AQP8: variants seen among roughly 807,000 people sequenced by gnomAD.
AQP8 encodes the protein aquaporin 8, also known as aquaporin-8.
In AQP8, 14 loss-of-function variants were observed where a neutral mutation model predicts 26.1. The ratio of observed to expected loss-of-function variants is 0.54; its 90% CI spans 0.35 to 0.84. AQP8 has a LOEUF of 0.84. AQP8 is among the 40% of genes least tolerant of loss of function. AQP8 has a pLI of 0.01. For synonymous variants in AQP8, 131 were observed against 150.7 expected, an observed-to-expected ratio of 0.87 and a Z score of 0.96; for missense variants, 301 against 340.5, an observed-to-expected ratio of 0.88 and a Z score of 0.91.
In AQP8 at chr16:25,217,226, A is replaced by T; in HGVS notation, c.41A>T (p.Asn14Ile). Residue 14 changes from asparagine (N) to isoleucine (I), a missense_variant, in exon 2 of 6, where the codon AAT becomes ATT. Transcript: ENST00000219660. ...GCCATGTGTGAGCCTGAATTTGGCA[A>T]TGACAAGGCCAGGGAGCCGAGCGTG... Reference protein sequence around the residue: ...EIAMCEPEFGNDKAREPSVGG... With the variant: ...EIAMCEPEFGIDKAREPSVGG... 1 of 1,614,178 alleles carries T rather than the reference A, an allele frequency of 6.2e-7. No individual in the cohort carries two copies. The highest frequency in any genetic ancestry group is 8.5e-7 in the Non-Finnish European group (1 of 1,180,028).
At chr16:25,223,556 A>G (rs1029086823) in intron 3 of AQP8, among the ~76,000 whole-genome samples, 4 of 144,168 alleles carry the variant, frequency 2.8e-5, no homozygotes, top group Non-Finnish European at 4.6e-5. Flanking sequence ...TTTAAAAAAA[A>G]CATTAGGTGG....
chr16:25,222,668 GGT>G lies in AQP8; in HGVS notation c.387+1095_387+1096del, dbSNP rs78651843. Among the ~76,000 whole-genome samples, 1,205 of 151,910 alleles carry G rather than the reference GGT, an allele frequency of 7.9e-3. 29 individuals carry two copies. Among genetic ancestry groups the G allele is most frequent in the East Asian group, 0.066 (341 of 5,154 alleles). ...GCCCTTCAAGATGTGGGCCTTGCTT[GGT>G]GTGTGTGTGGGGGGTGGTGGATGGG... On this transcript the variant is annotated intron_variant, in intron 3 of 5. Coordinates refer to ENST00000219660, the MANE Select transcript of AQP8 (RefSeq NM_001169.3).
intron 5 of AQP8, 105 bp downstream of exon 5, chr16:25,227,307 GAA>G: frequency 6.8e-7 from 1 of 1,464,850 alleles, no homozygotes; most frequent in Non-Finnish European, 9.3e-7. Flanking sequence ...GTTTGGAAGA[GAA>G]AAGAGGGAGC....
chr16:25,221,627 G>C, intron 3 of AQP8, 44 bp downstream of exon 3: 1 of 1,610,468 alleles, frequency 6.2e-7, no homozygotes, highest in Non-Finnish European at 8.5e-7. Context: ...TCTCTGATGG[G>C]GCTGCTGGAG....
chr16:25,221,718 G>A, intron 3 of AQP8, 135 bp downstream of exon 3: 1 of 1,090,998 alleles, frequency 9.2e-7, no homozygotes, highest in Non-Finnish European at 1.3e-6. Flanking sequence ...AGTGGAATTG[G>A]TGGACGTTTT....
chr16:25,217,013 G>T lies in AQP8; in HGVS notation c.-33G>T. On this transcript the variant is annotated 5_prime_UTR_variant, in exon 1 of 6. Coordinates refer to ENST00000219660, the MANE Select transcript of AQP8 (RefSeq NM_001169.3). ...AGGTGCAGGTTTCCCAGCAGCTCAGGCAAGAGTCCGATGTTTGTGCCATCT... is the reference window on the plus strand; with the variant it reads ...AGGTGCAGGTTTCCCAGCAGCTCAGTCAAGAGTCCGATGTTTGTGCCATCT... 2 of 1,613,794 alleles carry T rather than the reference G, an allele frequency of 1.2e-6. No individual in the cohort carries two copies. The highest frequency in any genetic ancestry group is 1.1e-5 in the South Asian group (1 of 91,076).
chr16:25,220,907 C>T (rs1402543760), intron 2 of AQP8, among the ~76,000 whole-genome samples: 2 of 152,146 alleles, frequency 1.3e-5, no homozygotes, highest in African/African-American at 4.8e-5. Flanking sequence ...AAAAATAAGC[C>T]AGGCGTGGTG....
intron 4 of AQP8, among the ~76,000 whole-genome samples, chr16:25,226,154 C>A (rs979490906): frequency 2.0e-5 from 3 of 152,214 alleles, no homozygotes; most frequent in Non-Finnish European, 4.4e-5. Context: ...TACAGGCATG[C>A]AATGCATAAT....
intron 1 of AQP8, 55 bp downstream of exon 1, chr16:25,217,112 G>C (rs915266213): frequency 6.2e-7 from 1 of 1,613,598 alleles, no homozygotes; most frequent in Non-Finnish European, 8.5e-7. Context: ...GGGGGGCTGT[G>C]AATTAATTCA....
At chr16:25,220,999 C>T (rs926335516) in intron 2 of AQP8, among the ~76,000 whole-genome samples, 2 of 151,638 alleles carry the variant, frequency 1.3e-5, no homozygotes, top group Admixed American at 6.6e-5. Flanking sequence ...TGCAGTGAGC[C>T]GAGATCACAC....
chr16:25,228,327 T>G lies in AQP8; in HGVS notation c.738-117T>G. 7 of 881,372 alleles carry G rather than the reference T, an allele frequency of 7.9e-6. 1 individual carries two copies. The South Asian group carries it at 9.9e-5, about 12-fold the overall frequency. The allele number at this position is 881,372 out of a possible 1,614,324, so 54.6% of individuals were successfully genotyped here. ...CTCTCTCTGCAAGGGGATCTGGCTA[T>G]TAAGGCTGGGGAGGCTCAGGAAGTC... is the stretch of plus-strand genomic sequence containing the variant. On this transcript the variant is annotated intron_variant, in intron 5 of 5. Transcript: ENST00000219660.
intron 5 of AQP8, among the ~76,000 whole-genome samples, chr16:25,227,708 G>A (rs756110399): frequency 1.3e-5 from 2 of 151,630 alleles, no homozygotes; most frequent in Non-Finnish European, 2.9e-5. Context: ...GGCTGGTCTC[G>A]AACTCCTGAC....
rs146177689 is a variant in AQP8, at chr16:25,221,565, C to G, written c.369C>G (p.Leu123=). The change falls in exon 3 of 6, where the codon CTC becomes CTG. Residue 123 remains leucine (L), a synonymous_variant. Transcript: ENST00000219660. ...TCTCACAGCTGCTCGGGGGGATGCTCGGGGCTGCCTTGGCCAAGGTGGGTA... is the reference window on the plus strand; with the variant it reads ...TCTCACAGCTGCTCGGGGGGATGCTGGGGGCTGCCTTGGCCAAGGTGGGTA... ...YWVSQLLGGM[L]GAALAKAVSP... 6.2e-7 allele frequency: 1 copy of G among 1,613,998 alleles called. No individual in the cohort carries two copies. Among genetic ancestry groups the G allele is most frequent in the Non-Finnish European group, 8.5e-7 (1 of 1,179,980 alleles).
intron 4 of AQP8, among the ~76,000 whole-genome samples, chr16:25,226,237 A>G (rs1962631164): frequency 6.6e-6 from 1 of 151,492 alleles, no homozygotes; most frequent in Non-Finnish European, 1.5e-5. Context: ...ATCCACTTAT[A>G]CTCTTCGTTA....
At chr16:25,226,264 G>T (rs1311489309) in intron 4 of AQP8, among the ~76,000 whole-genome samples, 2 of 151,872 alleles carry the variant, frequency 1.3e-5, no homozygotes, top group Non-Finnish European at 2.9e-5. Flanking sequence ...TTTATTTTTA[G>T]TTTTAGTTTT....
At position 25,217,393 on chromosome 16, in the gene AQP8, C is replaced by G; in HGVS notation, c.208C>G (p.Leu70Val). ...GTDTGLLQPA[L>V]AHGLALGLVI... ...GGACACTGGGCTGCTGCAGCCGGCC[C>G]TGGCCCACGGGCTGGCTTTGGGGCT... is the stretch of plus-strand genomic sequence containing the variant. The change falls in exon 2 of 6, where the codon CTG becomes GTG. Residue 70 changes from leucine (L) to valine (V), a missense_variant. Coordinates refer to ENST00000219660, the MANE Select transcript of AQP8 (RefSeq NM_001169.3). The G allele has an allele frequency of 6.2e-7, 1 of 1,614,156 alleles. No individual in the cohort carries two copies. The highest frequency in any genetic ancestry group is 8.5e-7 in the Non-Finnish European group (1 of 1,180,020).
At position 25,227,405 on chromosome 16, in the gene AQP8, A is replaced by G. The variant is rs796905650; in HGVS notation, c.737+203A>G. On this transcript the variant is annotated intron_variant, in intron 5 of 5. Transcript: ENST00000219660. ...TATTTCAAAATAGCTTATGTCATAA[A>G]GAGGAATTCATTGGCTCACATCATC... 1.3e-4 allele frequency among the ~76,000 whole-genome samples: 20 copies of G among 152,358 alleles called. 1 individual carries two copies. Among genetic ancestry groups the G allele is most frequent in the African/African-American group, 4.8e-4 (20 of 41,588 alleles).
intron 4 of AQP8, among the ~76,000 whole-genome samples, chr16:25,226,385 G>A (rs1347081405): frequency 6.6e-6 from 1 of 152,194 alleles, no homozygotes; most frequent in Non-Finnish European, 1.5e-5. Flanking sequence ...AGCCTCCCCA[G>A]TAGCTGGGAC....
chr16:25,219,924 A>G (rs909792542), intron 2 of AQP8, among the ~76,000 whole-genome samples: 6 of 151,986 alleles, frequency 3.9e-5, no homozygotes, highest in Admixed American at 1.3e-4. Flanking sequence ...TATCCCATCT[A>G]CTTGGGAGGC....
Sources: allele counts gnomAD v4.1 joint callset (sites outside exome capture counted in the v4.1 genomes callset), GRCh38; gene constraint gnomAD v4.1.1; transcripts MANE v1.5; gene names NCBI Gene and HGNC (gene_info 2026-07-23, HGNC 2026-07-21).